Variants in GLI3 observed in about 807,000 individuals in gnomAD.
GLI3 encodes the protein GLI family zinc finger 3, also known as transcription activator GLI3.
GLI3 carries 20 observed loss-of-function variants against 100.8 expected under a neutral mutation model. The observed-to-expected ratio is 0.20, with a 90% confidence interval of 0.14 to 0.29. The LOEUF (loss-of-function observed/expected upper bound fraction) is 0.29. Ranked by LOEUF, GLI3 falls within the 10% of genes least tolerant of loss-of-function variation. GLI3 has a pLI of 1.00. For missense variants in GLI3, 2,040 were observed against 2,128.5 expected (o/e 0.96, Z 0.82); for synonymous variants, 938 against 860.5 (o/e 1.09, Z -1.58).
intron 10 of GLI3, among the ~76,000 whole-genome samples, chr7:42,015,705 G>A (rs963409635): frequency 6.6e-6 from 1 of 151,538 alleles, no homozygotes; most frequent in Admixed American, 6.6e-5. Context: ...AGCAAATGTG[G>A]TTTTTAAATT....
At chr7:42,084,901 C>CTTTTTTTTTTTTTTTT (rs747166719) in intron 3 of GLI3, among the ~76,000 whole-genome samples, 2 of 47,514 alleles carry the variant, frequency 4.2e-5, no homozygotes, top group African/African-American at 1.0e-4. Flanking sequence ...CATTTGGATT[C>CTTTTTTTTTTTTTTTT]TTTTTTTTTT....
chr7:42,196,952 G>A (rs1242194283), intron 2 of GLI3, among the ~76,000 whole-genome samples: 1 of 152,222 alleles, frequency 6.6e-6, no homozygotes, highest in East Asian at 1.9e-4. Context: ...ACAATGTCGT[G>A]TATACATCAT....
At chr7:42,155,968 C>T (rs1232210741) in intron 2 of GLI3, among the ~76,000 whole-genome samples, 2 of 152,138 alleles carry the variant, frequency 1.3e-5, no homozygotes, top group Non-Finnish European at 2.9e-5. Flanking sequence ...AGGTCTGCAG[C>T]CCCATCTCTA....
chr7:41,983,542 G>C (rs1019661977), intron 10 of GLI3, among the ~76,000 whole-genome samples: 1 of 152,136 alleles, frequency 6.6e-6, no homozygotes, highest in East Asian at 1.9e-4. Context: ...TTGAAAATTT[G>C]ACTTCCCAGC....
At chr7:42,231,166 T>C (rs944135906) in intron 1 of GLI3, among the ~76,000 whole-genome samples, 3 of 152,218 alleles carry the variant, frequency 2.0e-5, no homozygotes, top group Non-Finnish European at 4.4e-5. Flanking sequence ...GTTCCATGAA[T>C]AGTAATTTAC....
At chr7:42,030,706 T>TG (rs1562693955) in intron 7 of GLI3, among the ~76,000 whole-genome samples, 1 of 151,612 alleles carries the variant, frequency 6.6e-6, no homozygotes, top group African/African-American at 2.4e-5. Flanking sequence ...GTTTTTTTTT[T>TG]TTTTGTTTTT....
chr7:41,999,408 A>G (rs1239965860), intron 10 of GLI3, among the ~76,000 whole-genome samples: 1 of 152,202 alleles, frequency 6.6e-6, no homozygotes, highest in African/African-American at 2.4e-5. Flanking sequence ...GTTCTGATTG[A>G]TACTATTGCT....
rs750815703 is a variant in GLI3 at position 41,964,493 on chromosome 7, A to G, written c.4580T>C (p.Ile1527Thr). Residue 1527 changes from isoleucine to threonine, a missense_variant, in exon 15 of 15, where the codon ATC (isoleucine) becomes ACC (threonine). This residue lies in a region of GLI3 where 1,041 missense variants were observed against 924.0 expected (regional missense o/e 1.13). Coordinates refer to ENST00000395925, the MANE Select transcript of GLI3 (RefSeq NM_000168.6). ...GGAGCTATGGGAAAGGTTCTGAATG[A>G]TACTTGGGCTCAGGGCCCCCGACAT... ...SLMSGALSPS[I>T]IQNLSHSSSR... The G allele has an allele frequency of 1.9e-6, 3 of 1,614,136 alleles. No individual in the cohort carries two copies. Among genetic ancestry groups the G allele is most frequent in the South Asian group, 1.1e-5 (1 of 91,082 alleles).
chr7:42,157,701 GATTT>G (rs1161790760), intron 2 of GLI3, among the ~76,000 whole-genome samples: 1 of 152,156 alleles, frequency 6.6e-6, no homozygotes, highest in Non-Finnish European at 1.5e-5. Context: ...AGAAAAAGCT[GATTT>G]GTTTGTCTTT....
At chr7:42,190,564 G>A (rs1430604303) in intron 2 of GLI3, among the ~76,000 whole-genome samples, 2 of 152,166 alleles carry the variant, frequency 1.3e-5, no homozygotes, top group Non-Finnish European at 2.9e-5. Flanking sequence ...AAAGGCTCCA[G>A]ACTCAGACCC....
At chr7:42,193,428 A>G (rs966008250) in intron 2 of GLI3, among the ~76,000 whole-genome samples, 1 of 152,096 alleles carries the variant, frequency 6.6e-6, no homozygotes. Flanking sequence ...CTGAGCTCGG[A>G]AGGACACACC....
At chr7:42,138,344 TTTAAA>T (rs1786480709) in intron 3 of GLI3, among the ~76,000 whole-genome samples, 1 of 152,214 alleles carries the variant, frequency 6.6e-6, no homozygotes, top group Non-Finnish European at 1.5e-5. Context: ...ACATACTGCA[TTTAAA>T]ACATCATTCA....
chr7:41,969,546 T>A (rs572992256), intron 13 of GLI3, among the ~76,000 whole-genome samples: 1 of 152,272 alleles, frequency 6.6e-6, no homozygotes, highest in South Asian at 2.1e-4. Flanking sequence ...TGATCGTGAG[T>A]ATGTGAAGCC....
At chr7:42,217,812 G>A (rs368387443) in intron 2 of GLI3, among the ~76,000 whole-genome samples, 1 of 152,156 alleles carries the variant, frequency 6.6e-6, no homozygotes, top group Non-Finnish European at 1.5e-5. Context: ...GAAAACTGAC[G>A]TGTATGTTCA....
chr7:41,968,619 A>G (rs1453284262), intron 13 of GLI3, among the ~76,000 whole-genome samples: 1 of 151,820 alleles, frequency 6.6e-6, no homozygotes, highest in Non-Finnish European at 1.5e-5. Flanking sequence ...GGTGTCAGTA[A>G]AAGCAGTTGA....
chr7:42,085,386 T>G (rs1184572878), intron 3 of GLI3, among the ~76,000 whole-genome samples: 1 of 152,150 alleles, frequency 6.6e-6, no homozygotes, highest in Non-Finnish European at 1.5e-5. Flanking sequence ...GAAAGCAAAA[T>G]AAGATAGTAT....
chr7:41,986,673 T>G (rs2237430), intron 10 of GLI3, among the ~76,000 whole-genome samples: 1 of 151,790 alleles, frequency 6.6e-6, no homozygotes, highest in East Asian at 1.9e-4. Flanking sequence ...AATAGAGAAA[T>G]TGGGGATGAC....
intron 2 of GLI3, among the ~76,000 whole-genome samples, chr7:42,213,066 G>A (rs1296702903): frequency 6.6e-6 from 1 of 152,216 alleles, no homozygotes; most frequent in Non-Finnish European, 1.5e-5. Flanking sequence ...CCTACCTGGG[G>A]CTGGCCCCAA....
chr7:41,971,371 T>C (rs1179543172), intron 13 of GLI3, among the ~76,000 whole-genome samples: 1 of 152,232 alleles, frequency 6.6e-6, no homozygotes, highest in Non-Finnish European at 1.5e-5. Flanking sequence ...GAACCCAATA[T>C]ATTTGCACAA....
Sources: allele counts gnomAD v4.1 joint callset (sites outside exome capture counted in the v4.1 genomes callset), GRCh38; gene constraint gnomAD v4.1.1; regional missense constraint gnomAD v4.1.1; transcripts MANE v1.5; gene names NCBI Gene and HGNC (gene_info 2026-07-23, HGNC 2026-07-21).